The following MARCHF4 variants were observed in gnomAD, a reference collection of about 807,000 sequenced individuals.
The protein encoded by MARCHF4 is membrane associated ring-CH-type finger 4.
In MARCHF4, 14 loss-of-function variants were observed where a neutral mutation model predicts 43.9. The observed-to-expected ratio is 0.32, with a 90% CI of 0.21 to 0.50. The LOEUF (loss-of-function observed/expected upper bound fraction) is 0.50. Ranked by LOEUF, MARCHF4 falls within the 20% of genes least tolerant of loss-of-function variation. The pLI is 0.98. For synonymous variants in MARCHF4, 226 were observed against 213.3 expected (o/e 1.06, Z -0.52); for missense variants, 468 against 536.7 (o/e 0.87, Z 1.27).
At chr2:216,359,402 T>C (rs942227640) in intron 1 of MARCHF4, among the ~76,000 whole-genome samples, 1 of 152,242 alleles carries the variant, frequency 6.6e-6, no homozygotes, top group Admixed American at 6.5e-5. Flanking sequence ...ACTTCCTACT[T>C]AGTCCTGTAG....
chr2:216,263,194 C>T (rs777335451), intron 3 of MARCHF4, among the ~76,000 whole-genome samples: 13 of 152,124 alleles, frequency 8.5e-5, no homozygotes, highest in East Asian at 1.9e-4. Flanking sequence ...TGGGAGGCCG[C>T]GGCAGGTGGA....
At chr2:216,369,695 C>T in intron 1 of MARCHF4, 50 bp downstream of exon 1, 1 of 1,475,202 alleles carries the variant, frequency 6.8e-7, no homozygotes, top group Non-Finnish European at 9.2e-7. Context: ...TAGCAATCTG[C>T]AAGACCTGAA....
chr2:216,307,222 C>T (rs896688663), intron 1 of MARCHF4, among the ~76,000 whole-genome samples: 2 of 152,122 alleles, frequency 1.3e-5, no homozygotes, highest in African/African-American at 4.8e-5. Flanking sequence ...AAGGAGGCAG[C>T]CCCGCAGGGA....
At chr2:216,312,944 A>C (rs1169896854) in intron 1 of MARCHF4, among the ~76,000 whole-genome samples, 1 of 151,992 alleles carries the variant, frequency 6.6e-6, no homozygotes, top group East Asian at 1.9e-4. Flanking sequence ...TCTTCATTGT[A>C]AATTCTCTGC....
In MARCHF4 at chr2:216,370,097, C is replaced by A; in HGVS notation, c.164G>T (p.Arg55Leu). Residue 55 changes from arginine (R) to leucine (L), a missense_variant, in exon 1 of 4, where the codon CGG becomes CTG. Arg to Leu is a moderately radical substitution (Grantham distance 102). Coordinates refer to ENST00000273067, the MANE Select transcript of MARCHF4 (RefSeq NM_020814.3). ...GGGCAGGGGCGCTTGAGGAGGGCGC[C>A]GCAGTAAGAAAACCTTCAGGTCATT... ...LFNDLKVFLL[R>L]RPPQAPLPMH... The A allele has an allele frequency of 6.3e-7, 1 of 1,587,940 alleles. No homozygotes were observed. The highest frequency in any genetic ancestry group is 8.6e-7 in the Non-Finnish European group (1 of 1,167,526).
chr2:216,324,980 G>A (rs1413165032), intron 1 of MARCHF4, among the ~76,000 whole-genome samples: 5 of 151,564 alleles, frequency 3.3e-5, no homozygotes, highest in South Asian at 2.1e-4. Context: ...TTAGGCAGGA[G>A]AAGGAAATAA....
chr2:216,261,875 A>T (rs1690747890), intron 3 of MARCHF4, among the ~76,000 whole-genome samples: 1 of 152,198 alleles, frequency 6.6e-6, no homozygotes, highest in South Asian at 2.1e-4. Flanking sequence ...AAAAGAAGCA[A>T]CCAATGGGGT....
chr2:216,304,838 C>CA (rs1465346383), intron 1 of MARCHF4, among the ~76,000 whole-genome samples: 1 of 152,008 alleles, frequency 6.6e-6, no homozygotes, highest in African/African-American at 2.4e-5. Flanking sequence ...TTTGTAGTCC[C>CA]AACTACTCAG....
chr2:216,320,631 CTT>C (rs1559098550), intron 1 of MARCHF4, among the ~76,000 whole-genome samples: 1 of 98,540 alleles, frequency 1.0e-5, no homozygotes, highest in African/African-American at 4.3e-5. Context: ...TTCTTTCTTT[CTT>C]TCTTTCTTTC....
chr2:216,358,362 T>C (rs151102350), intron 1 of MARCHF4, among the ~76,000 whole-genome samples: 22 of 152,278 alleles, frequency 1.4e-4, no homozygotes, highest in African/African-American at 5.1e-4. Flanking sequence ...CCAGGAACAG[T>C]CTTCATTTTC....
At chr2:216,288,683 G>C (rs1559090467) in intron 1 of MARCHF4, among the ~76,000 whole-genome samples, 1 of 152,042 alleles carries the variant, frequency 6.6e-6, no homozygotes, top group Non-Finnish European at 1.5e-5. Flanking sequence ...TCGTGCTAGA[G>C]GCAGGAGGCA....
chr2:216,320,079 G>A (rs917713991), intron 1 of MARCHF4, among the ~76,000 whole-genome samples: 2 of 152,078 alleles, frequency 1.3e-5, no homozygotes, highest in Non-Finnish European at 2.9e-5. Flanking sequence ...GTGTTAAAGG[G>A]AAAGTAAAAA....
chr2:216,320,667 CTTTCTTT>C (rs1691873903), intron 1 of MARCHF4, among the ~76,000 whole-genome samples: 1 of 85,628 alleles, frequency 1.2e-5, no homozygotes, highest in African/African-American at 6.0e-5. Context: ...TTCTTTCTTT[CTTTCTTT>C]CTTTTTTTTT....
At chr2:216,336,640 T>C (rs914903084) in intron 1 of MARCHF4, among the ~76,000 whole-genome samples, 11 of 151,538 alleles carry the variant, frequency 7.3e-5, no homozygotes, top group Non-Finnish European at 1.3e-4. Context: ...AATTGGTTAT[T>C]TGATGAATTG....
chr2:216,361,089 A>G (rs1279372760), intron 1 of MARCHF4, among the ~76,000 whole-genome samples: 1 of 152,098 alleles, frequency 6.6e-6, no homozygotes, highest in Non-Finnish European at 1.5e-5. Flanking sequence ...AAGCCCATTA[A>G]AAAAAAGAAT....
chr2:216,366,042 G>A (rs1181385177), intron 1 of MARCHF4, among the ~76,000 whole-genome samples: 1 of 152,112 alleles, frequency 6.6e-6, no homozygotes, highest in African/African-American at 2.4e-5. Flanking sequence ...TCTGGGCTGG[G>A]GCACACCTTT....
At chr2:216,352,764 C>T (rs1305673807) in intron 1 of MARCHF4, among the ~76,000 whole-genome samples, 1 of 152,150 alleles carries the variant, frequency 6.6e-6, no homozygotes, top group African/African-American at 2.4e-5. Context: ...GAGAAGCCAT[C>T]CCTGACCCTC....
chr2:216,297,886 C>T (rs1691422476), intron 1 of MARCHF4, among the ~76,000 whole-genome samples: 1 of 152,192 alleles, frequency 6.6e-6, no homozygotes, highest in Non-Finnish European at 1.5e-5. Flanking sequence ...AGGGCACCTG[C>T]CCAAGAGACA....
chr2:216,267,115 G>C (rs1449467196), intron 3 of MARCHF4, among the ~76,000 whole-genome samples: 1 of 152,110 alleles, frequency 6.6e-6, no homozygotes, highest in Admixed American at 6.6e-5. Flanking sequence ...AGTGGGGTTG[G>C]CCTTCTGTGA....
Sources: gnomAD v4.1 joint callset for allele counts (sites outside exome capture counted in the v4.1 genomes callset) on GRCh38, gnomAD v4.1.1 for gene constraint, MANE v1.5 for transcripts, NCBI Gene and HGNC (gene_info 2026-07-23, HGNC 2026-07-21) for gene names.